ZFPM2: variants seen among roughly 807,000 people sequenced by gnomAD.
ZFPM2 encodes zinc finger protein ZFPM2.
ZFPM2 carries 20 observed loss-of-function variants against 98.6 expected under a neutral mutation model. The observed-to-expected ratio is 0.20, with a 90% CI of 0.14 to 0.29. ZFPM2 has a LOEUF of 0.29. Ranked by LOEUF, ZFPM2 falls within the 10% of genes least tolerant of loss-of-function variation. The pLI is 1.00. For synonymous variants in ZFPM2, 518 were observed against 502.7 expected (o/e 1.03, Z -0.41); for missense variants, 1,310 against 1,388.6 (o/e 0.94, Z 0.90).
At chr8:105,611,108 A>G (rs111281915) in intron 4 of ZFPM2, among the ~76,000 whole-genome samples, 19 of 152,298 alleles carry the variant, frequency 1.2e-4, no homozygotes, top group African/African-American at 4.1e-4. Context: ...CATTATTTAC[A>G]GACAGCTCCT....
intron 4 of ZFPM2, among the ~76,000 whole-genome samples, chr8:105,606,782 T>C (rs1309387029): frequency 1.3e-5 from 2 of 152,094 alleles, no homozygotes; most frequent in Non-Finnish European, 2.9e-5. Context: ...CAACCATTAC[T>C]TTCCAAATAA....
At chr8:105,778,393 T>C (rs1813154658) in intron 5 of ZFPM2, among the ~76,000 whole-genome samples, 1 of 151,972 alleles carries the variant, frequency 6.6e-6, no homozygotes, top group East Asian at 1.9e-4. Flanking sequence ...TTAGTAAAAA[T>C]GAAAGAAGTT....
intron 1 of ZFPM2, among the ~76,000 whole-genome samples, chr8:105,323,381 ATAAT>A (rs1006351774): frequency 4.0e-5 from 6 of 151,862 alleles, no homozygotes; most frequent in Non-Finnish European, 5.9e-5. Context: ...ATAATGCAAA[ATAAT>A]TCTTCTCTTT....
At chr8:105,562,634 C>A (rs118165837) in intron 4 of ZFPM2, among the ~76,000 whole-genome samples, 4,759 of 152,194 alleles carry the variant, frequency 0.031, 115 homozygotes, top group Non-Finnish European at 0.049. Context: ...CCCTCATAGA[C>A]CCCCTTCCAT....
chr8:105,662,585 T>G (rs1817412150), intron 5 of ZFPM2: 1 of 151,930 alleles, frequency 6.6e-6, no homozygotes, highest in South Asian at 2.1e-4. Flanking sequence ...ATCCAAAGAT[T>G]GCATTTCTGT....
At chr8:105,599,824 A>G (rs1000253194) in intron 4 of ZFPM2, among the ~76,000 whole-genome samples, 6 of 152,216 alleles carry the variant, frequency 3.9e-5, no homozygotes, top group African/African-American at 1.4e-4. Flanking sequence ...CACTGGTGGA[A>G]AAGGCTTTCA....
intron 3 of ZFPM2, among the ~76,000 whole-genome samples, chr8:105,501,761 A>G (rs561742217): frequency 5.3e-5 from 8 of 152,308 alleles, no homozygotes; most frequent in African/African-American, 1.9e-4. Flanking sequence ...CTGGGATTAC[A>G]GGTGTGAGCC....
intron 2 of ZFPM2, among the ~76,000 whole-genome samples, chr8:105,441,306 C>T (rs1219675463): frequency 1.3e-5 from 2 of 151,578 alleles, no homozygotes; most frequent in African/African-American, 2.4e-5. Context: ...GTACCTACCA[C>T]AGTTCCTTAA....
At chr8:105,519,855 G>A (rs1199301807) in intron 3 of ZFPM2, among the ~76,000 whole-genome samples, 1 of 151,464 alleles carries the variant, frequency 6.6e-6, no homozygotes, top group Non-Finnish European at 1.5e-5. Context: ...ATGTGATTTT[G>A]TATATTTTGA....
intron 5 of ZFPM2, chr8:105,685,070 A>G (rs1484345861): frequency 6.6e-6 from 1 of 152,070 alleles, no homozygotes; most frequent in Non-Finnish European, 1.5e-5. Context: ...GAAAATGAAA[A>G]CAGTATAAAT....
intron 5 of ZFPM2, among the ~76,000 whole-genome samples, chr8:105,656,362 G>T (rs546721885): frequency 6.6e-6 from 1 of 152,218 alleles, no homozygotes; most frequent in African/African-American, 2.4e-5. Context: ...TCTGATCATT[G>T]AATCCTGTCC....
chr8:105,659,035 G>A (rs190266685), intron 5 of ZFPM2, among the ~76,000 whole-genome samples: 1 of 152,284 alleles, frequency 6.6e-6, no homozygotes, highest in African/African-American at 2.4e-5. Context: ...GGAGGAGATG[G>A]ATCTTAAAGG....
At chr8:105,434,552 T>G (rs925966758) in intron 2 of ZFPM2, among the ~76,000 whole-genome samples, 21 of 152,220 alleles carry the variant, frequency 1.4e-4, no homozygotes, top group East Asian at 3.8e-4. Flanking sequence ...TTCATGAGCT[T>G]CTTCTGTGAA....
intron 5 of ZFPM2, chr8:105,684,876 A>G (rs1810695552): frequency 6.6e-6 from 1 of 152,084 alleles, no homozygotes; most frequent in East Asian, 1.9e-4. Flanking sequence ...CTATATCGAC[A>G]TAAAGAATTT....
chr8:105,428,345 T>A (rs1188860464), intron 2 of ZFPM2, among the ~76,000 whole-genome samples: 1 of 152,216 alleles, frequency 6.6e-6, no homozygotes, highest in Non-Finnish European at 1.5e-5. Context: ...TTTCTATCTT[T>A]TGGTACTTCT....
chr8:105,591,235 T>C (rs1450152669), intron 4 of ZFPM2, among the ~76,000 whole-genome samples: 1 of 151,804 alleles, frequency 6.6e-6, no homozygotes, highest in East Asian at 1.9e-4. Flanking sequence ...TTTCAGAACT[T>C]CTTAGAATTA....
At chr8:105,759,186 C>T (rs181468745) in intron 5 of ZFPM2, among the ~76,000 whole-genome samples, 7 of 152,166 alleles carry the variant, frequency 4.6e-5, no homozygotes, top group Admixed American at 1.3e-4. Context: ...TTATCTCATT[C>T]GCCAAGTTCA....
chr8:105,471,516 A>G (rs1812902902), intron 3 of ZFPM2, among the ~76,000 whole-genome samples: 1 of 152,178 alleles, frequency 6.6e-6, no homozygotes, highest in Non-Finnish European at 1.5e-5. Context: ...TAGCTTACTC[A>G]GCTAATTTAT....
At chr8:105,649,320 T>C (rs1817120038) in intron 5 of ZFPM2, among the ~76,000 whole-genome samples, 1 of 152,220 alleles carries the variant, frequency 6.6e-6, no homozygotes, top group African/African-American at 2.4e-5. Context: ...TCATGTCATC[T>C]GCAAACAGGG....
Sources: gnomAD v4.1 joint callset for allele counts (sites outside exome capture counted in the v4.1 genomes callset) on GRCh38, gnomAD v4.1.1 for gene constraint, MANE v1.5 for transcripts, NCBI Gene and HGNC (gene_info 2026-07-23, HGNC 2026-07-21) for gene names.